The following CYP3A43 variants were observed in gnomAD, a reference collection of about 807,000 sequenced individuals.
CYP3A43 encodes cytochrome P450 family 3 subfamily A member 43, also known as cytochrome P450 3A43.
In CYP3A43, 45 loss-of-function variants were observed where a neutral mutation model predicts 58.0. The observed-to-expected ratio is 0.78, with a 90% CI of 0.61 to 0.99. The LOEUF is 0.99. Ranked by LOEUF, CYP3A43 falls within the 50% of genes least tolerant of loss-of-function variation. The pLI, the probability that CYP3A43 is intolerant of heterozygous loss-of-function variation, is 0.00. For missense variants in CYP3A43, 593 were observed against 591.9 expected, an observed-to-expected ratio of 1.00 and a Z score of -0.02; for synonymous variants, 191 against 201.4, an observed-to-expected ratio of 0.95 and a Z score of 0.44.
At chr7:99,828,687 C>T (rs1413265133) in intron 1 of CYP3A43, among the ~76,000 whole-genome samples, 1 of 152,008 alleles carries the variant, frequency 6.6e-6, no homozygotes, top group Non-Finnish European at 1.5e-5. Context: ...CTTTGTCATA[C>T]TGAGTAGTTT....
chr7:99,863,761 T>G, intron 12 of CYP3A43, 62 bp downstream of exon 12: 1 of 1,314,254 alleles, frequency 7.6e-7, no homozygotes, highest in Non-Finnish European at 1.0e-6. Context: ...AAGTCTACAT[T>G]TTTTAAAAAT....
At chr7:99,830,857 T>C (rs894248736) in intron 1 of CYP3A43, among the ~76,000 whole-genome samples, 1 of 152,242 alleles carries the variant, frequency 6.6e-6, no homozygotes, top group Non-Finnish European at 1.5e-5. Context: ...CAGACTCAAA[T>C]ATCAAACCTC....
chr7:99,844,359 C>G (rs45573333), intron 4 of CYP3A43, 117 bp downstream of exon 4: 1 of 922,838 alleles, frequency 1.1e-6, no homozygotes, highest in Non-Finnish European at 1.7e-6. Context: ...CCTATTTCCC[C>G]CAATGGTGAT....
intron 9 of CYP3A43, among the ~76,000 whole-genome samples, chr7:99,857,743 T>C (rs957515002): frequency 6.6e-6 from 1 of 152,142 alleles, no homozygotes; most frequent in East Asian, 1.9e-4. Context: ...TTTGGGAGGC[T>C]GAGGTGGGAG....
rs138160753 is a variant in CYP3A43, at chr7:99,839,120, G to T, written c.166G>T (p.Gly56Cys). ...AATTGTATTTTGTTTCTTCTGCCAG[G>T]GTCTTTGGAATTTTGACAGAGAATG... ...FLGTILFYLRGLWNFDRECNE... is the reference protein window; with the variant it reads ...FLGTILFYLRCLWNFDRECNE... Residue 56 changes from glycine to cysteine, a missense_variant and splice_region_variant, in exon 3 of 13, where the codon GGT (glycine) becomes TGT (cysteine). By Grantham distance (159) the Gly-to-Cys change is radical. Coordinates refer to ENST00000354829, the MANE Select transcript of CYP3A43 (RefSeq NM_057095.3). The T allele has an allele frequency of 2.5e-6, 4 of 1,614,138 alleles. No homozygotes were observed. Among genetic ancestry groups the T allele is most frequent in the Non-Finnish European group, 2.5e-6 (3 of 1,180,020 alleles).
At chr7:99,862,988 T>A (rs11981167) in intron 11 of CYP3A43, among the ~76,000 whole-genome samples, 20,990 of 152,154 alleles carry the variant, frequency 0.14, 2,875 homozygotes, top group African/African-American at 0.35. Context: ...GGTTACCGTG[T>A]GTCAGGAACT....
At chr7:99,852,571 AT>A (rs1166040844) in intron 7 of CYP3A43, among the ~76,000 whole-genome samples, 1 of 152,136 alleles carries the variant, frequency 6.6e-6, no homozygotes, top group Admixed American at 6.5e-5. Context: ...GGTAAATACA[AT>A]TTTTTAATTC....
In CYP3A43 at chr7:99,828,132, A is replaced by T; in HGVS notation, c.17A>T (p.Asn6Ile). The change falls in exon 1 of 13, where the codon AAC (asparagine) becomes ATC (isoleucine). Residue 6 changes from asparagine to isoleucine, a missense_variant. Physicochemically the swap from Asn to Ile is moderately radical, Grantham distance 149. Transcript: ENST00000354829. MDLIP[N>I]FAMETWVLVA... The stretch of plus-strand genomic sequence containing the variant: ...AAACTGGTGATGGATCTCATTCCAA[A>T]CTTTGCCATGGAAACATGGGTTCTT... 6.2e-7 allele frequency: 1 copy of T among 1,613,208 alleles called. No individual in the cohort carries two copies. Among genetic ancestry groups the T allele is most frequent in the Non-Finnish European group, 8.5e-7 (1 of 1,179,450 alleles).
chr7:99,836,664 G>T, intron 2 of CYP3A43, 118 bp downstream of exon 2: 1 of 715,886 alleles, frequency 1.4e-6, no homozygotes, highest in Non-Finnish European at 2.3e-6. Context: ...TTTCAGAAAT[G>T]GTGTGTATGC....
intron 4 of CYP3A43, among the ~76,000 whole-genome samples, chr7:99,845,387 A>T (rs1817506989): frequency 1.3e-5 from 2 of 151,754 alleles, no homozygotes; most frequent in African/African-American, 4.8e-5. Flanking sequence ...CAGTGGCGCG[A>T]TCTCAGTTCA....
At chr7:99,854,748 C>A (rs1277134928) in intron 7 of CYP3A43, among the ~76,000 whole-genome samples, 1 of 152,132 alleles carries the variant, frequency 6.6e-6, no homozygotes, top group Non-Finnish European at 1.5e-5. Context: ...TTTGGCATAT[C>A]ATGTCTTCAT....
chr7:99,851,415 C>G (rs1225761124), intron 7 of CYP3A43, among the ~76,000 whole-genome samples: 1 of 152,160 alleles, frequency 6.6e-6, no homozygotes, highest in Non-Finnish European at 1.5e-5. Flanking sequence ...CACCATTTTA[C>G]CAGGAGCATA....
chr7:99,837,197 T>TA (rs1170711271), intron 2 of CYP3A43, among the ~76,000 whole-genome samples: 1 of 147,986 alleles, frequency 6.8e-6, no homozygotes, highest in Non-Finnish European at 1.5e-5. Context: ...CGGGCGCCTG[T>TA]AGTCCCAGCT....
intron 9 of CYP3A43, among the ~76,000 whole-genome samples, chr7:99,859,458 G>T (rs1584237828): frequency 6.6e-6 from 1 of 152,218 alleles, no homozygotes; most frequent in Non-Finnish European, 1.5e-5. Flanking sequence ...TGGGGAGAAT[G>T]TTACTCCACG....
At chr7:99,850,728 C>A (rs1189483674) in intron 7 of CYP3A43, among the ~76,000 whole-genome samples, 1 of 152,240 alleles carries the variant, frequency 6.6e-6, no homozygotes, top group Non-Finnish European at 1.5e-5. Context: ...ATCTAGCACA[C>A]ATCATATAAA....
At chr7:99,828,675 A>T (rs1816719535) in intron 1 of CYP3A43, among the ~76,000 whole-genome samples, 1 of 152,038 alleles carries the variant, frequency 6.6e-6, no homozygotes, top group Admixed American at 6.5e-5. Flanking sequence ...AAAAAAATAA[A>T]ACTTTGTCAT....
In CYP3A43 at chr7:99,844,155, G is replaced by A. The variant is rs368393851; in HGVS notation, c.231G>A (p.Gly77=). The A allele has an allele frequency of 1.2e-6, 2 of 1,613,664 alleles. No individual in the cohort carries two copies. The highest frequency in any genetic ancestry group is 1.7e-6 in the Non-Finnish European group (2 of 1,179,814). Residue 77 remains glycine (G), a synonymous_variant, in exon 4 of 13, where the codon GGG becomes GGA. Transcript: ENST00000354829. ...KYGEMWGLYE[G]QQPMLVIMDP... The stretch of plus-strand genomic sequence containing the variant: ...TTCCCCCACACAGGCTGTATGAGGG[G>A]CAACAGCCCATGCTGGTCATCATGG...
rs978854726 is a variant in CYP3A43, at chr7:99,849,650, A to G, written c.626A>G (p.Lys209Arg). Residue 209 changes from lysine (K) to arginine (R), a missense_variant, in exon 7 of 13, where the codon AAG (lysine) becomes AGG (arginine). By Grantham distance (26) the Lys-to-Arg change is conservative (BLOSUM62 2). Transcript: ENST00000354829. Reference sequence around the variant, plus strand: ...GATCCCTTTCTGAAAAATATGAAGAAGCTTTTAAAATTGGATTTTTTGGAT... The same window carrying G: ...GATCCCTTTCTGAAAAATATGAAGAGGCTTTTAAAATTGGATTTTTTGGAT... Reference protein sequence around the residue: ...PQDPFLKNMKKLLKLDFLDPF... With the variant: ...PQDPFLKNMKRLLKLDFLDPF... 1 of 1,610,950 alleles carries G rather than the reference A, an allele frequency of 6.2e-7. No homozygotes were observed. Among genetic ancestry groups the G allele is most frequent in the Non-Finnish European group, 8.5e-7 (1 of 1,179,350 alleles).
chr7:99,855,807 T>C, intron 8 of CYP3A43, 89 bp downstream of exon 8: 2 of 1,411,400 alleles, frequency 1.4e-6, no homozygotes, highest in Non-Finnish European at 1.9e-6. Flanking sequence ...TTATCTGTGT[T>C]TTTTAAAGGC....
Sources: allele counts gnomAD v4.1 joint callset (sites outside exome capture counted in the v4.1 genomes callset), GRCh38; gene constraint gnomAD v4.1.1; transcripts MANE v1.5; gene names NCBI Gene and HGNC (gene_info 2026-07-23, HGNC 2026-07-21).